PALLD: variants seen among roughly 807,000 people sequenced by gnomAD.
PALLD encodes palladin.
In PALLD, 61 loss-of-function variants were observed where a neutral mutation model predicts 123.5. That is an observed-to-expected ratio of 0.49 (90% confidence interval 0.40 to 0.61). PALLD has a LOEUF of 0.61. Among genes scored for constraint, PALLD ranks in the 20% least tolerant of loss-of-function variants. The pLI is 0.00. For missense variants in PALLD, 1,273 were observed against 1,377.0 expected, an observed-to-expected ratio of 0.92 and a Z score of 1.20; for synonymous variants, 465 against 496.4, an observed-to-expected ratio of 0.94 and a Z score of 0.84.
intron 17 of PALLD, among the ~76,000 whole-genome samples, chr4:168,916,439 G>A (rs1760103907): frequency 6.6e-6 from 1 of 151,750 alleles, no homozygotes; most frequent in Non-Finnish European, 1.5e-5. Context: ...GCTTAAGGGG[G>A]GGAAAAAGTG....
chr4:168,761,646 T>TTTTTTTTTTTTTTG, intron 10 of PALLD, among the ~76,000 whole-genome samples: 1 of 18,216 alleles, frequency 5.5e-5, no homozygotes, highest in Admixed American at 4.6e-4. Flanking sequence ...TTGTTGTTTG[T>TTTTTTTTTTTTTTG]TTTTTTTTTT....
intron 2 of PALLD, among the ~76,000 whole-genome samples, chr4:168,596,026 C>T (rs1296096153): frequency 6.6e-6 from 1 of 150,798 alleles, no homozygotes; most frequent in African/African-American, 2.4e-5. Context: ...TATAAATGTA[C>T]TACTAATAGT....
At chr4:168,645,183 C>G (rs549484599) in intron 2 of PALLD, among the ~76,000 whole-genome samples, 1 of 151,912 alleles carries the variant, frequency 6.6e-6, no homozygotes, top group Non-Finnish European at 1.5e-5. Context: ...AATTATGTAG[C>G]CTTTTTGACC....
intron 10 of PALLD, among the ~76,000 whole-genome samples, chr4:168,719,194 C>G (rs1000512191): frequency 2.7e-5 from 4 of 150,884 alleles, no homozygotes; most frequent in African/African-American, 9.7e-5. Flanking sequence ...GCGTGAGCCA[C>G]TGCTCCCAGC....
chr4:168,614,796 C>A (rs767652192), intron 2 of PALLD, among the ~76,000 whole-genome samples: 11 of 152,304 alleles, frequency 7.2e-5, no homozygotes, highest in Non-Finnish European at 1.6e-4. Flanking sequence ...AAAGACTTCT[C>A]TTCTTTCCAA....
chr4:168,670,739 C>CAAAAAAAAA (rs752284669), intron 3 of PALLD, among the ~76,000 whole-genome samples: 12 of 45,068 alleles, frequency 2.7e-4, no homozygotes, highest in African/African-American at 1.0e-3. Flanking sequence ...GACTCCGTCT[C>CAAAAAAAAA]AAAAAAACAA....
chr4:168,762,879 T>C (rs1013145216), intron 10 of PALLD, among the ~76,000 whole-genome samples: 2 of 152,232 alleles, frequency 1.3e-5, no homozygotes, highest in Admixed American at 1.3e-4. Context: ...TTTGCAGGGA[T>C]ATGGATGAAG....
At chr4:168,598,504 A>C (rs1772218697) in intron 2 of PALLD, 3 of 489,728 alleles carry the variant, frequency 6.1e-6, no homozygotes, top group African/African-American at 4.1e-5. Flanking sequence ...AGAGAGGAGC[A>C]GAGAGAGGTA....
In PALLD at chr4:168,711,573, T is replaced by G. The variant is rs781264554; in HGVS notation, c.1622-8T>G. ...TCTTATGTTTTTCCTCTCTTTCCCCTTCCTTAGCCAACACTGAAAACTGTA... is the reference window on the plus strand; with the variant it reads ...TCTTATGTTTTTCCTCTCTTTCCCCGTCCTTAGCCAACACTGAAAACTGTA... On this transcript the variant is annotated splice_polypyrimidine_tract_variant and splice_region_variant and intron_variant, in intron 9 of 21. Transcript: ENST00000505667. 1.2e-6 allele frequency: 2 copies of G among 1,604,860 alleles called. No homozygotes were observed. Among genetic ancestry groups the G allele is most frequent in the Non-Finnish European group, 8.5e-7 (1 of 1,171,526 alleles).
chr4:168,583,722 C>G (rs982812895), intron 2 of PALLD, among the ~76,000 whole-genome samples: 15 of 152,150 alleles, frequency 9.9e-5, no homozygotes, highest in Admixed American at 9.2e-4. Context: ...CATCTCAGCC[C>G]TTGGGATATC....
chr4:168,921,589 G>A lies in PALLD; in HGVS notation c.2906G>A (p.Arg969His), dbSNP rs769973229. Residue 969 changes from arginine to histidine, a missense_variant, in exon 18 of 22, where the codon CGC becomes CAC. Physicochemically the swap from Arg to His is conservative, Grantham distance 29. Transcript: ENST00000505667. ...TGGCAACTAGATGGAAAGCCCGTAC[G>A]CCCTGACAGTGCTCACAAGATGCTG... The part of the protein sequence containing the change: ...LSWQLDGKPV[R>H]PDSAHKMLVR... 50 of 1,609,588 alleles carry A rather than the reference G, an allele frequency of 3.1e-5. No homozygotes were observed. Among genetic ancestry groups the A allele is most frequent in the Middle Eastern group, 1.7e-4 (1 of 5,994 alleles).
intron 2 of PALLD, among the ~76,000 whole-genome samples, chr4:168,529,771 A>G (rs910287467): frequency 6.6e-6 from 1 of 152,230 alleles, no homozygotes; most frequent in Non-Finnish European, 1.5e-5. Context: ...ATGACTAAGT[A>G]TTGATATTTT....
At chr4:168,874,936 AAG>A (rs1159805957) in intron 10 of PALLD, among the ~76,000 whole-genome samples, 1 of 152,132 alleles carries the variant, frequency 6.6e-6, no homozygotes, top group Non-Finnish European at 1.5e-5. Flanking sequence ...GCGGGGAAAA[AAG>A]AAGCTGGGAG....
At chr4:168,732,493 C>G (rs1206762320) in intron 10 of PALLD, among the ~76,000 whole-genome samples, 1 of 152,156 alleles carries the variant, frequency 6.6e-6, no homozygotes, top group Non-Finnish European at 1.5e-5. Flanking sequence ...CTCTTGTTTC[C>G]TCTTAGGCAA....
intron 2 of PALLD, among the ~76,000 whole-genome samples, chr4:168,521,180 CA>C (rs1763526388): frequency 1.3e-5 from 2 of 150,304 alleles, no homozygotes. Context: ...GCAAAAAAAA[CA>C]AAAACAAAAA....
At position 168,682,850 on chromosome 4, in the gene PALLD, C is replaced by G. The variant is rs377401705; in HGVS notation, c.1155-148C>G. 6.4e-5 allele frequency: 38 copies of G among 590,126 alleles called. No individual in the cohort carries two copies. The East Asian group carries it at 1.0e-3, about 16-fold the overall frequency. 36.6% of individuals were successfully genotyped at this position (590,126 alleles called of 1,614,324 possible). On this transcript the variant is annotated intron_variant, in intron 4 of 21. Transcript: ENST00000505667. ...AGGTTATGCATTCCCATTGTGGAAGCAATTACAGTTGAAGCGGATTGCGTA... is the reference window on the plus strand; with the variant it reads ...AGGTTATGCATTCCCATTGTGGAAGGAATTACAGTTGAAGCGGATTGCGTA...
At chr4:168,860,240 T>C (rs1182789282) in intron 10 of PALLD, among the ~76,000 whole-genome samples, 2 of 152,054 alleles carry the variant, frequency 1.3e-5, no homozygotes, top group Admixed American at 1.3e-4. Context: ...CCAATCCCAG[T>C]GGTAGAAATG....
At chr4:168,681,289 C>A in intron 3 of PALLD, 43 bp from the exon 4 acceptor site, 1 of 1,103,178 alleles carries the variant, frequency 9.1e-7, no homozygotes, top group Non-Finnish European at 1.4e-6. Flanking sequence ...TTATAGATAA[C>A]ACTGATATCT....
At chr4:168,576,380 C>A (rs1234686489) in intron 2 of PALLD, among the ~76,000 whole-genome samples, 1 of 151,964 alleles carries the variant, frequency 6.6e-6, no homozygotes, top group Non-Finnish European at 1.5e-5. Context: ...TGCTATCCGT[C>A]CCCCCTCCCC....
Sources: gnomAD v4.1 joint callset for allele counts (sites outside exome capture counted in the v4.1 genomes callset) on GRCh38, gnomAD v4.1.1 for gene constraint, MANE v1.5 for transcripts, NCBI Gene and HGNC (gene_info 2026-07-23, HGNC 2026-07-21) for gene names.